The following CEP85 variants were observed in gnomAD, a reference collection of about 807,000 sequenced individuals.
The protein encoded by CEP85 is centrosomal protein 85.
Under a neutral mutation model 93.7 loss-of-function variants are expected in CEP85, and 58 were observed. That is an observed-to-expected ratio of 0.62 (90% CI 0.50 to 0.77). The LOEUF is 0.77. CEP85 is among the 30% of genes least tolerant of loss of function. The pLI is 0.00. For missense variants in CEP85, 868 were observed against 922.0 expected, an observed-to-expected ratio of 0.94 and a Z score of 0.76; for synonymous variants, 314 against 338.6, an observed-to-expected ratio of 0.93 and a Z score of 0.80.
In CEP85 at chr1:26,239,444, C is replaced by T. The variant is rs192587235; in HGVS notation, c.-22-318C>T. On this transcript the variant is annotated intron_variant, in intron 1 of 13. Coordinates refer to ENST00000451429, the MANE Select transcript of CEP85 (RefSeq NM_001319944.2). ...TTGGCTCACTGAAACCTCTGCCTCC[C>T]GGGTTCAAGCAATCCTTGTGCCTCA... Among the ~76,000 whole-genome samples, 188 of 152,104 alleles carry T rather than the reference C, an allele frequency of 1.2e-3. 1 individual carries two copies. Among genetic ancestry groups the T allele is most frequent in the African/African-American group, 4.4e-3 (184 of 41,480 alleles).
chr1:26,252,839 T>A (rs967115798), intron 3 of CEP85, among the ~76,000 whole-genome samples: 16 of 152,234 alleles, frequency 1.1e-4, no homozygotes, highest in Non-Finnish European at 4.4e-5. Flanking sequence ...CGTCTTTTTT[T>A]AAAGTATTTA....
At chr1:26,266,265 G>A (rs1303423093) in intron 7 of CEP85, among the ~76,000 whole-genome samples, 2 of 152,062 alleles carry the variant, frequency 1.3e-5, no homozygotes, top group South Asian at 2.1e-4. Context: ...GTACACGCTT[G>A]TAGTCTAAGC....
chr1:26,250,683 T>C (rs2124573476), intron 3 of CEP85, among the ~76,000 whole-genome samples: 1 of 152,356 alleles, frequency 6.6e-6, no homozygotes, highest in East Asian at 1.9e-4. Flanking sequence ...CAGTTGGTAC[T>C]TTTCTTCTTG....
At chr1:26,248,371 C>G (rs2089543772) in intron 3 of CEP85, among the ~76,000 whole-genome samples, 1 of 152,160 alleles carries the variant, frequency 6.6e-6, no homozygotes, top group African/African-American at 2.4e-5. Context: ...CATTGCTACA[C>G]AGATTGTGTG....
rs538913480 is a variant in CEP85, at chr1:26,256,518, G to A, written c.903+653G>A. On this transcript the variant is annotated intron_variant, in intron 4 of 13. Coordinates refer to ENST00000451429, the MANE Select transcript of CEP85 (RefSeq NM_001319944.2). ...TGCACTCCAGTCTGGATGACAGAGC[G>A]AGGCTCTGTCTCAAAAAATAAATAA... 1.1e-4 allele frequency among the ~76,000 whole-genome samples: 16 copies of A among 151,948 alleles called. No individual in the cohort carries two copies. The South Asian group carries it at 1.7e-3, about 16-fold the overall frequency.
At chr1:26,235,837 G>T (rs1384989290) in intron 1 of CEP85, among the ~76,000 whole-genome samples, 2 of 152,188 alleles carry the variant, frequency 1.3e-5, no homozygotes, top group African/African-American at 4.8e-5. Flanking sequence ...CTCCCAAAAT[G>T]CTGGGATTAC....
chr1:26,257,212 C>T (rs531221182), intron 4 of CEP85, among the ~76,000 whole-genome samples: 34 of 152,234 alleles, frequency 2.2e-4, no homozygotes, highest in African/African-American at 7.0e-4. Flanking sequence ...GGATTACAGG[C>T]GTGAGCCACC....
chr1:26,255,631 T>C lies in CEP85; in HGVS notation c.669T>C (p.Pro223=). 1 of 1,614,130 alleles carries C rather than the reference T, an allele frequency of 6.2e-7. No homozygotes were observed. The highest frequency in any genetic ancestry group is 8.5e-7 in the Non-Finnish European group (1 of 1,180,024). ...GTAAGGAGTTGTACAGAGTGTTGCC[T>C]GAGGCCAAGAAGGCACCGGGCAGCG... ...STSKELYRVL[P]EAKKAPGSGA... The change falls in exon 4 of 14, where the codon CCT becomes CCC. Residue 223 remains proline (P), a synonymous_variant. Transcript: ENST00000451429.
At chr1:26,273,715 T>G (rs1247692203) in intron 11 of CEP85, among the ~76,000 whole-genome samples, 1 of 151,908 alleles carries the variant, frequency 6.6e-6, no homozygotes, top group Non-Finnish European at 1.5e-5. Flanking sequence ...GCTAACAAGG[T>G]GAAACCCTGT....
intron 7 of CEP85, among the ~76,000 whole-genome samples, chr1:26,263,747 T>C (rs2089849574): frequency 6.6e-6 from 1 of 152,180 alleles, no homozygotes; most frequent in Non-Finnish European, 1.5e-5. Context: ...GTATCTATCT[T>C]GAGCTCTTCT....
chr1:26,266,689 T>TA (rs1356120875), intron 7 of CEP85, among the ~76,000 whole-genome samples: 1 of 152,256 alleles, frequency 6.6e-6, no homozygotes, highest in Non-Finnish European at 1.5e-5. Flanking sequence ...GCCGCCTCTT[T>TA]GACATTTAGT....
chr1:26,276,796 G>A (rs1410157719), intron 13 of CEP85, 36 bp downstream of exon 13: 2 of 1,529,184 alleles, frequency 1.3e-6, no homozygotes, highest in African/African-American at 2.7e-5. Context: ...CCAGGAAGGA[G>A]GGTCCTTCTT....
In CEP85 at chr1:26,268,550, G is replaced by T; in HGVS notation, c.1409G>T (p.Arg470Leu). The T allele has an allele frequency of 6.2e-7, 1 of 1,614,070 alleles. No homozygotes were observed. The highest frequency in any genetic ancestry group is 8.5e-7 in the Non-Finnish European group (1 of 1,179,950). ...KKCQKESEQN[R>L]EKQQRIETLE... ...TGCCAGAAGGAATCAGAGCAGAACC[G>T]GGAGAAGCAGCAGCGTATTGAGACC... is the stretch of plus-strand genomic sequence containing the variant. The change falls in exon 8 of 14, where the codon CGG (arginine) becomes CTG (leucine). Residue 470 changes from arginine (R) to leucine (L), a missense_variant. By Grantham distance (102) the Arg-to-Leu change is moderately radical (BLOSUM62 -2). Coordinates refer to ENST00000451429, the MANE Select transcript of CEP85 (RefSeq NM_001319944.2).
intron 4 of CEP85, 36 bp from the exon 5 acceptor site, chr1:26,257,561 C>A (rs2089726695): frequency 6.2e-7 from 1 of 1,611,742 alleles, no homozygotes; most frequent in Non-Finnish European, 8.5e-7. Context: ...GTGTATGGGT[C>A]AAGATCAAGC....
chr1:26,250,932 CTT>C (rs869156420), intron 3 of CEP85, among the ~76,000 whole-genome samples: 1 of 17,524 alleles, frequency 5.7e-5, no homozygotes, highest in African/African-American at 1.9e-4. Context: ...TTTCTTTTTT[CTT>C]TTTTTTTTTT....
At chr1:26,257,776 C>T (rs1160964550) in intron 5 of CEP85, 46 bp downstream of exon 5, 3 of 1,605,582 alleles carry the variant, frequency 1.9e-6, no homozygotes, top group East Asian at 2.2e-5. Flanking sequence ...TCTCCCAGGC[C>T]CCATTGAAGA....
At chr1:26,273,061 A>C (rs1164870583) in intron 11 of CEP85, among the ~76,000 whole-genome samples, 1 of 152,134 alleles carries the variant, frequency 6.6e-6, no homozygotes, top group Non-Finnish European at 1.5e-5. Context: ...GTGATGAGGG[A>C]ACCTGGCATA....
At chr1:26,254,481 T>C (rs2089666619) in intron 3 of CEP85, 1 of 150,424 alleles carries the variant, frequency 6.6e-6, no homozygotes, top group African/African-American at 2.4e-5. Flanking sequence ...AAAGGCAAAA[T>C]ATAAAATAGA....
At chr1:26,272,107 T>C (rs367929878) in intron 11 of CEP85, 36 bp downstream of exon 11, 152 of 1,594,732 alleles carry the variant, frequency 9.5e-5, no homozygotes, top group Non-Finnish European at 1.2e-4. Flanking sequence ...TGGGCAGAAC[T>C]TAATGATGGA....
Sources: gnomAD v4.1 joint callset for allele counts (sites outside exome capture counted in the v4.1 genomes callset) on GRCh38, gnomAD v4.1.1 for gene constraint, MANE v1.5 for transcripts, NCBI Gene and HGNC (gene_info 2026-07-23, HGNC 2026-07-21) for gene names.